The following PTK7 variants were observed in gnomAD, a reference collection of about 807,000 sequenced individuals.
PTK7 encodes protein tyrosine kinase 7 (inactive), also known as inactive tyrosine-protein kinase 7.
PTK7 carries 39 observed loss-of-function variants against 116.6 expected under a neutral mutation model. The ratio of observed to expected loss-of-function variants is 0.33; its 90% confidence interval spans 0.26 to 0.44. The LOEUF (loss-of-function observed/expected upper bound fraction) is 0.44, where lower values mean the gene tolerates loss of function less well. PTK7 is among the 20% of genes least tolerant of loss of function. The pLI is 1.00. For synonymous variants in PTK7, 546 were observed against 563.6 expected (o/e 0.97, Z 0.44); for missense variants, 1,169 against 1,425.6 (o/e 0.82, Z 2.90).
intron 1 of PTK7, among the ~76,000 whole-genome samples, chr6:43,084,568 A>G (rs1464304827): frequency 6.6e-6 from 1 of 152,182 alleles, no homozygotes; most frequent in African/African-American, 2.4e-5. Flanking sequence ...AAAAAGGGTG[A>G]TATTAATAGT....
intron 1 of PTK7, among the ~76,000 whole-genome samples, chr6:43,105,126 A>ATTT (rs1561945661): frequency 6.6e-5 from 10 of 151,140 alleles, no homozygotes; most frequent in African/African-American, 2.4e-4. Flanking sequence ...TTTTTTTTTA[A>ATTT]AAAAACTTCT....
chr6:43,142,161 T>C lies in PTK7; in HGVS notation c.1920-11T>C, dbSNP rs750887263. ...GCGAGCTGGCCAGCACTATGGCTTC[T>C]CCCCCGACAGGATGCACATCTTCCA... On this transcript the variant is annotated splice_polypyrimidine_tract_variant and intron_variant, in intron 12 of 19. Transcript: ENST00000230419. 8.7e-6 allele frequency: 14 copies of C among 1,613,596 alleles called. No individual in the cohort carries two copies. The highest frequency in any genetic ancestry group is 1.1e-5 in the Non-Finnish European group (13 of 1,179,862).
At chr6:43,136,875 G>A (rs1418288654) in intron 7 of PTK7, among the ~76,000 whole-genome samples, 2 of 152,096 alleles carry the variant, frequency 1.3e-5, no homozygotes, top group East Asian at 1.9e-4. Context: ...CTGGTGGTAC[G>A]CGCCTGTGGT....
At chr6:43,142,145 C>T in intron 12 of PTK7, 27 bp from the exon 13 acceptor site, 1 of 1,613,256 alleles carries the variant, frequency 6.2e-7, no homozygotes. Flanking sequence ...TGCGAGCTGG[C>T]CAGCACTATG....
At chr6:43,115,232 C>T (rs1409984587) in intron 1 of PTK7, among the ~76,000 whole-genome samples, 2 of 151,082 alleles carry the variant, frequency 1.3e-5, no homozygotes, top group Middle Eastern at 3.4e-3. Flanking sequence ...GGTTATTTTC[C>T]TTAAAAATAA....
intron 17 of PTK7, among the ~76,000 whole-genome samples, chr6:43,152,729 TTTTATTTATGTTATGTTATGTTATG>T (rs1281073305): frequency 3.6e-5 from 5 of 139,854 alleles, no homozygotes; most frequent in South Asian, 2.2e-4. Flanking sequence ...CTGAATTTTA[TTTTATTTATGTTATGTTATGTTATG>T]TTATGTTATG....
chr6:43,099,281 G>A (rs2150387927), intron 1 of PTK7, among the ~76,000 whole-genome samples: 1 of 148,618 alleles, frequency 6.7e-6, no homozygotes, highest in African/African-American at 2.5e-5. Context: ...CACCCAGACT[G>A]GAGTGCAGTG....
intron 17 of PTK7, among the ~76,000 whole-genome samples, chr6:43,157,853 AGT>A (rs1561991249): frequency 2.1e-4 from 32 of 152,064 alleles, no homozygotes; most frequent in Non-Finnish European, 3.7e-4. Flanking sequence ...CAGCCTCCCC[AGT>A]AGCTGGGATT....
chr6:43,139,184 G>T lies in PTK7; in HGVS notation c.1411G>T (p.Val471Leu), dbSNP rs752545639. Residue 471 changes from valine to leucine, a missense_variant, in exon 9 of 20, where the codon GTG becomes TTG. Val to Leu is a conservative substitution (Grantham distance 32). Around this residue, in one of 3 missense-constraint regions of PTK7, gnomAD observed 678 missense variants for 853.8 expected, o/e 0.79. Coordinates refer to ENST00000230419, the MANE Select transcript of PTK7 (RefSeq NM_002821.5). This position sits in a 1 kb window ranked among gnomAD's most constrained non-coding sequence, Gnocchi z 4.6. ...FKNGTLRINS[V>L]EVYDGTWYRC... The stretch of plus-strand genomic sequence containing the variant: ...GAATGGGACCTTGCGCATCAACAGC[G>T]TGGAGGTGTATGATGGGACATGGTA... The T allele has an allele frequency of 1.9e-6, 3 of 1,614,126 alleles. No individual in the cohort carries two copies. Among genetic ancestry groups the T allele is most frequent in the Non-Finnish European group, 1.7e-6 (2 of 1,180,048 alleles).
intron 1 of PTK7, among the ~76,000 whole-genome samples, chr6:43,122,340 G>A (rs935831547): frequency 6.6e-6 from 1 of 151,562 alleles, no homozygotes; most frequent in African/African-American, 2.4e-5. Context: ...CAAGTGGTGG[G>A]GACTTGAGAG....
intron 17 of PTK7, among the ~76,000 whole-genome samples, chr6:43,153,713 CAG>C (rs1291705385): frequency 6.6e-6 from 1 of 151,918 alleles, no homozygotes; most frequent in Non-Finnish European, 1.5e-5. Context: ...CTGCGCTAAA[CAG>C]AATTGAATTT....
chr6:43,140,940 T>C (rs982219901), intron 10 of PTK7, among the ~76,000 whole-genome samples: 1 of 152,240 alleles, frequency 6.6e-6, no homozygotes, highest in Non-Finnish European at 1.5e-5. Context: ...ATATTTGTTT[T>C]GATGATCCTA....
intron 7 of PTK7, among the ~76,000 whole-genome samples, chr6:43,135,109 G>C (rs1769949108): frequency 6.6e-6 from 1 of 152,156 alleles, no homozygotes; most frequent in African/African-American, 2.4e-5. Context: ...TGTTCAAGTT[G>C]GGGAACTCTG....
Position 43,146,655 on chromosome 6 carries a change from A to G in PTK7, c.2678A>G (p.Lys893Arg). 1 of 1,613,576 alleles carries G rather than the reference A, an allele frequency of 6.2e-7. No homozygotes were observed. Among genetic ancestry groups the G allele is most frequent in the Non-Finnish European group, 8.5e-7 (1 of 1,179,952 alleles). ...LKQFLRISKS[K>R]DEKLKSQPLS... ...CAGTTCCTGAGGATTTCCAAGAGCA[A>G]GGATGAAAAATTGAAGTCACAGCCC... The change falls in exon 17 of 20, where the codon AAG becomes AGG. Residue 893 changes from lysine to arginine, a missense_variant. Around this residue, in one of 3 missense-constraint regions of PTK7, gnomAD observed 678 missense variants for 853.8 expected, o/e 0.79. Transcript: ENST00000230419.
At chr6:43,147,900 C>G (rs1770817549) in intron 17 of PTK7, among the ~76,000 whole-genome samples, 1 of 152,174 alleles carries the variant, frequency 6.6e-6, no homozygotes, top group Non-Finnish European at 1.5e-5. Context: ...GACTAAAGAG[C>G]TCACAAATTA....
intron 1 of PTK7, among the ~76,000 whole-genome samples, chr6:43,081,303 A>G (rs1161484726): frequency 6.6e-6 from 1 of 151,902 alleles, no homozygotes; most frequent in East Asian, 1.9e-4. Flanking sequence ...TTTTGCCCCT[A>G]TTGGGTTTTG....
At chr6:43,138,271 A>G (rs578223677) in intron 7 of PTK7, among the ~76,000 whole-genome samples, 32 of 151,760 alleles carry the variant, frequency 2.1e-4, no homozygotes, top group African/African-American at 7.7e-4. Flanking sequence ...TCGGCCTCCC[A>G]AAGTGCTGGG....
At chr6:43,082,368 G>A (rs1258306275) in intron 1 of PTK7, among the ~76,000 whole-genome samples, 2 of 152,110 alleles carry the variant, frequency 1.3e-5, no homozygotes, top group Non-Finnish European at 2.9e-5. Flanking sequence ...AGTAGAGACA[G>A]GGTTTCACCA....
chr6:43,131,523 C>T (rs1021411110), intron 5 of PTK7, among the ~76,000 whole-genome samples: 35 of 152,148 alleles, frequency 2.3e-4, no homozygotes, highest in African/African-American at 7.7e-4. Context: ...GACCAAGTCA[C>T]GTCTTACATG....
Sources: allele counts gnomAD v4.1 joint callset (sites outside exome capture counted in the v4.1 genomes callset), GRCh38; gene constraint gnomAD v4.1.1; regional missense constraint gnomAD v4.1.1; non-coding constraint Gnocchi (gnomAD v3.1); transcripts MANE v1.5; gene names NCBI Gene and HGNC (gene_info 2026-07-23, HGNC 2026-07-21).